Variants in MSI2 observed in about 807,000 individuals in gnomAD.
MSI2 encodes musashi RNA binding protein 2, also known as RNA-binding protein Musashi homolog 2.
In MSI2, 17 loss-of-function variants were observed where a neutral mutation model predicts 45.6. That is an observed-to-expected ratio of 0.37 (90% CI 0.26 to 0.56). The LOEUF (loss-of-function observed/expected upper bound fraction) is 0.56. MSI2 is among the 20% of genes least tolerant of loss of function. The pLI is 0.77. For synonymous variants in MSI2, 156 were observed against 158.2 expected (o/e 0.99, Z 0.11); for missense variants, 293 against 444.2 (o/e 0.66, Z 3.06).
At chr17:57,691,926 T>A in the MSI2 span, among the ~76,000 whole-genome samples, 4 of 152,194 alleles carry the variant, frequency 2.6e-5, no homozygotes, top group African/African-American at 7.2e-5. Flanking sequence ...TAAAGGTAAG[T>A]GGTCAGTCTT....
chr17:57,382,972 C>T (rs949477825), intron 5 of MSI2, among the ~76,000 whole-genome samples: 5 of 152,126 alleles, frequency 3.3e-5, no homozygotes, highest in African/African-American at 1.2e-4. Context: ...TGTTCATTTG[C>T]CCTGGATTCA....
At chr17:57,484,905 TC>T in intron 6 of MSI2, among the ~76,000 whole-genome samples, 1 of 152,214 alleles carries the variant, frequency 6.6e-6, no homozygotes, top group Non-Finnish European at 1.5e-5. Flanking sequence ...CCTGCTTCTC[TC>T]TCGGGGAAAC....
chr17:57,536,222 A>G (rs1285944666), intron 7 of MSI2, among the ~76,000 whole-genome samples: 1 of 152,214 alleles, frequency 6.6e-6, no homozygotes, highest in African/African-American at 2.4e-5. Flanking sequence ...TCCTAATGAG[A>G]GTCTAACATT....
At chr17:57,565,684 G>A (rs1300632848) in intron 7 of MSI2, among the ~76,000 whole-genome samples, 1 of 152,146 alleles carries the variant, frequency 6.6e-6, no homozygotes, top group Non-Finnish European at 1.5e-5. Flanking sequence ...CCCATGCCTG[G>A]CACATCAGCC....
At chr17:57,401,203 T>A (rs892126632) in intron 5 of MSI2, among the ~76,000 whole-genome samples, 176 bp from the exon 6 acceptor site, 1 of 152,184 alleles carries the variant, frequency 6.6e-6, no homozygotes, top group Non-Finnish European at 1.5e-5. Flanking sequence ...GCCTGAGATA[T>A]GCAGAGTGAC....
intron 7 of MSI2, among the ~76,000 whole-genome samples, chr17:57,592,256 T>C (rs1904907503): frequency 6.6e-6 from 1 of 152,132 alleles, no homozygotes. Context: ...AAAAGAAGAC[T>C]GTGATGCCAA....
intron 7 of MSI2, among the ~76,000 whole-genome samples, chr17:57,545,508 C>T (rs1011129433): frequency 1.3e-5 from 2 of 152,024 alleles, no homozygotes; most frequent in Non-Finnish European, 2.9e-5. Flanking sequence ...CTATGGCAGC[C>T]GACTGCCCAA....
intron 5 of MSI2, among the ~76,000 whole-genome samples, chr17:57,391,652 C>T (rs2083793482): frequency 6.6e-6 from 1 of 152,070 alleles, no homozygotes; most frequent in African/African-American, 2.4e-5. Flanking sequence ...CTCGGGCTCC[C>T]ACTGCTGGAG....
intron 5 of MSI2, among the ~76,000 whole-genome samples, chr17:57,384,436 G>A (rs1356407595): frequency 1.3e-5 from 2 of 152,204 alleles, no homozygotes; most frequent in South Asian, 2.1e-4. Flanking sequence ...AGAGGAGTGG[G>A]ACTTCTTGCT....
chr17:57,327,234 A>G (rs1913873550), intron 5 of MSI2, among the ~76,000 whole-genome samples: 1 of 152,192 alleles, frequency 6.6e-6, no homozygotes, highest in Admixed American at 6.5e-5. Context: ...TGATTGTGCC[A>G]CTGCACTCCA....
chr17:57,655,279 T>C (rs1259209552), intron 11 of MSI2, among the ~76,000 whole-genome samples: 1 of 152,222 alleles, frequency 6.6e-6, no homozygotes, highest in East Asian at 1.9e-4. Context: ...TTTCTTGTGC[T>C]CAGTCGAGAG....
At chr17:57,455,461 A>G (rs1053363830) in intron 6 of MSI2, among the ~76,000 whole-genome samples, 5 of 152,092 alleles carry the variant, frequency 3.3e-5, no homozygotes, top group Admixed American at 2.6e-4. Flanking sequence ...AAAACCCTGA[A>G]AAAGGGGGGC....
intron 6 of MSI2, among the ~76,000 whole-genome samples, chr17:57,490,869 T>C (rs550897982): frequency 6.8e-6 from 1 of 147,000 alleles, no homozygotes; most frequent in South Asian, 2.2e-4. Context: ...CTTCACTTCC[T>C]CTACCTCTCT....
intron 7 of MSI2, among the ~76,000 whole-genome samples, chr17:57,543,068 A>G (rs1218058930): frequency 6.6e-6 from 1 of 152,174 alleles, no homozygotes; most frequent in Non-Finnish European, 1.5e-5. Flanking sequence ...AAAACTGAGA[A>G]TGGTTCCTAC....
At chr17:57,326,710 C>G (rs996478122) in intron 5 of MSI2, among the ~76,000 whole-genome samples, 8 of 152,152 alleles carry the variant, frequency 5.3e-5, no homozygotes, top group African/African-American at 1.9e-4. Flanking sequence ...TAACACTAGC[C>G]CTATGAGAAG....
intron 5 of MSI2, among the ~76,000 whole-genome samples, chr17:57,313,863 G>A (rs980692986): frequency 2.6e-5 from 4 of 152,198 alleles, no homozygotes; most frequent in African/African-American, 9.6e-5. Context: ...CCAAAGAGGC[G>A]GGCCTGCTGG....
chr17:57,277,260 G>A (rs116284226), intron 5 of MSI2, among the ~76,000 whole-genome samples: 2,390 of 152,140 alleles, frequency 0.016, 60 homozygotes, highest in African/African-American at 0.054. Flanking sequence ...GTTACGCCAC[G>A]TTGGCCAGGC....
chr17:57,393,653 A>G (rs2083835735), intron 5 of MSI2, among the ~76,000 whole-genome samples: 1 of 152,146 alleles, frequency 6.6e-6, no homozygotes, highest in Non-Finnish European at 1.5e-5. Flanking sequence ...TTGCTGGATC[A>G]TATGGTAACA....
chr17:57,548,742 G>A (rs1185078041), intron 7 of MSI2, among the ~76,000 whole-genome samples: 1 of 152,122 alleles, frequency 6.6e-6, no homozygotes, highest in East Asian at 1.9e-4. Context: ...ACTTCATGAA[G>A]CAAAGTCCTA....
Sources: allele counts gnomAD v4.1 joint callset (sites outside exome capture counted in the v4.1 genomes callset), GRCh38; gene constraint gnomAD v4.1.1; transcripts MANE v1.5; gene names NCBI Gene and HGNC (gene_info 2026-07-23, HGNC 2026-07-21).